Variants in SYTL3 observed in about 807,000 individuals in gnomAD.
SYTL3 encodes synaptotagmin like 3.
SYTL3 carries 88 observed loss-of-function variants against 82.1 expected under a neutral mutation model. The ratio of observed to expected loss-of-function variants is 1.07; its 90% CI spans 0.90 to 1.28. The LOEUF is 1.28. Among genes scored for constraint, SYTL3 ranks in the 50% most tolerant of loss-of-function variants. SYTL3 has a pLI of 0.00. For synonymous variants in SYTL3, 311 were observed against 289.4 expected, an observed-to-expected ratio of 1.07 and a Z score of -0.76; for missense variants, 831 against 757.6, an observed-to-expected ratio of 1.10 and a Z score of -1.14.
At chr6:158,740,315 GATTA>G (rs1179064354) in intron 11 of SYTL3, among the ~76,000 whole-genome samples, 1 of 151,844 alleles carries the variant, frequency 6.6e-6, no homozygotes, top group Non-Finnish European at 1.5e-5. Context: ...ATTTCTATTT[GATTA>G]ATTATTATAA....
At chr6:158,654,120 CG>C (rs2128348086) in intron 2 of SYTL3, among the ~76,000 whole-genome samples, 1 of 152,292 alleles carries the variant, frequency 6.6e-6, no homozygotes, top group South Asian at 2.1e-4. Flanking sequence ...AGTCCCCTGG[CG>C]GAGCTGTCCC....
chr6:158,763,180 G>A (rs1468314094), intron 16 of SYTL3, 124 bp from the exon 17 acceptor site: 2 of 868,688 alleles, frequency 2.3e-6, no homozygotes, highest in Non-Finnish European at 3.7e-6. Context: ...GCTTCACTGG[G>A]GAGGGTGTGG....
intron 6 of SYTL3, 56 bp downstream of exon 6, chr6:158,683,045 T>G: frequency 7.6e-7 from 1 of 1,307,790 alleles, no homozygotes. Flanking sequence ...AGTTTTAAAA[T>G]ATTTGATGTT....
chr6:158,758,646 C>G (rs993511522), intron 14 of SYTL3, among the ~76,000 whole-genome samples: 1 of 152,126 alleles, frequency 6.6e-6, no homozygotes, highest in Non-Finnish European at 1.5e-5. Context: ...CACCTGCCCC[C>G]TCCCTGCTCC....
At chr6:158,748,976 T>G (rs1471065821) in intron 12 of SYTL3, among the ~76,000 whole-genome samples, 2 of 151,846 alleles carry the variant, frequency 1.3e-5, no homozygotes, top group African/African-American at 4.8e-5. Flanking sequence ...AGCCCAGCAC[T>G]TTGGGAAGCC....
At chr6:158,711,423 T>A (rs1782751404) in intron 8 of SYTL3, among the ~76,000 whole-genome samples, 1 of 152,154 alleles carries the variant, frequency 6.6e-6, no homozygotes, top group African/African-American at 2.4e-5. Flanking sequence ...GCTCACGTGA[T>A]CACGGCAGCT....
At position 158,728,698 on chromosome 6, in the gene SYTL3, T is replaced by C. The variant is rs1425966684; in HGVS notation, c.855+3061T>C. Reference sequence around the variant, plus strand: ...GCTCATGCCTGTAATCCCAGCACTTTGGGAGGCCAAGGCGGGTGGATCATG... The same window carrying C: ...GCTCATGCCTGTAATCCCAGCACTTCGGGAGGCCAAGGCGGGTGGATCATG... On this transcript the variant is annotated intron_variant, in intron 11 of 17. Coordinates refer to ENST00000611299, the MANE Select transcript of SYTL3 (RefSeq NM_001242394.2). Among the ~76,000 whole-genome samples, 3 of 151,462 alleles carry C rather than the reference T, an allele frequency of 2.0e-5. No homozygotes were observed. The East Asian group carries it at 5.8e-4, about 29-fold the overall frequency.
At chr6:158,667,683 T>C (rs560007581) in intron 5 of SYTL3, among the ~76,000 whole-genome samples, 2 of 152,328 alleles carry the variant, frequency 1.3e-5, no homozygotes, top group African/African-American at 2.4e-5. Context: ...AAAGTGGATC[T>C]GTGACAGGAA....
intron 11 of SYTL3, among the ~76,000 whole-genome samples, chr6:158,739,956 GTTC>G (rs1786711212): frequency 6.9e-6 from 1 of 144,888 alleles, no homozygotes; most frequent in African/African-American, 2.5e-5. Flanking sequence ...AATTTGTGGA[GTTC>G]TTCATTTCAG....
intron 10 of SYTL3, among the ~76,000 whole-genome samples, chr6:158,720,287 A>G (rs1026322048): frequency 2.6e-5 from 4 of 151,166 alleles, no homozygotes; most frequent in East Asian, 2.0e-4. Flanking sequence ...TGTAATCCCA[A>G]CTACTCAGGA....
chr6:158,680,945 C>T (rs753325347), intron 5 of SYTL3, among the ~76,000 whole-genome samples: 1 of 152,094 alleles, frequency 6.6e-6, no homozygotes, highest in Non-Finnish European at 1.5e-5. Context: ...GAAAAACGTG[C>T]AGATTGGCAT....
rs758185820 is a variant in SYTL3, at chr6:158,764,670, G to T, written c.*66G>T. 2.5e-6 allele frequency: 3 copies of T among 1,184,202 alleles called. No homozygotes were observed. Among genetic ancestry groups the T allele is most frequent in the South Asian group, 1.2e-5 (1 of 81,256 alleles). The allele number at this position is 1,184,202 out of a possible 1,614,324, so 73.4% of individuals were successfully genotyped here. A position where few individuals can be genotyped will look rare whatever the true frequency, so the allele number is the denominator to read the frequency against. On this transcript the variant is annotated 3_prime_UTR_variant, in exon 18 of 18. Coordinates refer to ENST00000611299, the MANE Select transcript of SYTL3 (RefSeq NM_001242394.2). ...CACTGTGCGTCTGCAGAGGGGCTAC[G>T]AACCAGGTGCAGGGTCCCAGCTGGA...
At chr6:158,654,852 T>C (rs1788482673) in intron 2 of SYTL3, among the ~76,000 whole-genome samples, 1 of 152,134 alleles carries the variant, frequency 6.6e-6, no homozygotes, top group Admixed American at 6.5e-5. Flanking sequence ...TAGGAGAATG[T>C]TTCCTTCCAG....
chr6:158,764,543 A>G lies in SYTL3; in HGVS notation c.1772A>G (p.Gln591Arg). ...GATGCATGCTCACTATCGAAGCTCC[A>G]GTGGCAGAAAGTCCTTTCCAGCCCC... Reference protein sequence around the residue: ...GGDACSLSKLQWQKVLSSPNL... With the variant: ...GGDACSLSKLRWQKVLSSPNL... The change falls in exon 18 of 18, where the codon CAG (glutamine) becomes CGG (arginine). Residue 591 changes from glutamine to arginine, a missense_variant. Physicochemically the swap from Gln to Arg is conservative, Grantham distance 43 (BLOSUM62 1). Transcript: ENST00000611299. 6.2e-7 allele frequency: 1 copy of G among 1,614,156 alleles called. No individual in the cohort carries two copies. Among genetic ancestry groups the G allele is most frequent in the Non-Finnish European group, 8.5e-7 (1 of 1,180,014 alleles).
intron 12 of SYTL3, among the ~76,000 whole-genome samples, chr6:158,749,390 G>GAAAAAAAAAAAAAAAAAAAAAAA (rs1167978441): frequency 1.9e-5 from 1 of 52,128 alleles, no homozygotes; most frequent in Non-Finnish European, 3.6e-5. Flanking sequence ...GACTCTGTCT[G>GAAAAAAAAAAAAAAAAAAAAAAA]AAAAAAAAAA....
chr6:158,709,849 C>A (rs541545666), intron 8 of SYTL3, among the ~76,000 whole-genome samples: 134 of 152,194 alleles, frequency 8.8e-4, no homozygotes, highest in African/African-American at 3.2e-3. Context: ...ACAGCCTGGG[C>A]AACATAGCAA....
chr6:158,742,451 G>T (rs1787053289), intron 11 of SYTL3, among the ~76,000 whole-genome samples: 1 of 152,102 alleles, frequency 6.6e-6, no homozygotes, highest in African/African-American at 2.4e-5. Context: ...CTTCCTCCTA[G>T]TAAGGAAGTC....
chr6:158,707,298 A>G lies in SYTL3; in HGVS notation c.446+17A>G, dbSNP rs1338593987. On this transcript the variant is annotated intron_variant, in intron 7 of 17. Coordinates refer to ENST00000611299, the MANE Select transcript of SYTL3 (RefSeq NM_001242394.2). ...GAAGCTGAGGTGAGTGTTACAAAGG[A>G]CAGACCGTCCCTGGCCCTCCGGGGC... The G allele has an allele frequency of 1.2e-6, 2 of 1,613,428 alleles. No homozygotes were observed. The highest frequency in any genetic ancestry group is 1.7e-6 in the Non-Finnish European group (2 of 1,179,970).
At chr6:158,723,894 A>G (rs1251852620) in intron 10 of SYTL3, among the ~76,000 whole-genome samples, 1 of 151,788 alleles carries the variant, frequency 6.6e-6, no homozygotes, top group African/African-American at 2.4e-5. Flanking sequence ...CACATCCCCT[A>G]TGTGTTTGTG....
Sources: gnomAD v4.1 joint callset for allele counts (sites outside exome capture counted in the v4.1 genomes callset) on GRCh38, gnomAD v4.1.1 for gene constraint, MANE v1.5 for transcripts, NCBI Gene and HGNC (gene_info 2026-07-23, HGNC 2026-07-21) for gene names.